NEK5: variants seen among roughly 807,000 people sequenced by gnomAD.
NEK5 encodes the protein NIMA related kinase 5.
NEK5 carries 88 observed loss-of-function variants against 109.2 expected under a neutral mutation model. The observed-to-expected ratio is 0.81, with a 90% CI of 0.68 to 0.96. NEK5 has a LOEUF of 0.96. Ranked by LOEUF, NEK5 falls within the 40% of genes least tolerant of loss-of-function variation. NEK5 has a pLI of 0.00. For missense variants in NEK5, 834 were observed against 920.7 expected, an observed-to-expected ratio of 0.91 and a Z score of 1.22; for synonymous variants, 283 against 299.9, an observed-to-expected ratio of 0.94 and a Z score of 0.58.
intron 17 of NEK5, among the ~76,000 whole-genome samples, chr13:52,079,691 G>T (rs1302445509): frequency 6.6e-6 from 1 of 152,186 alleles, no homozygotes; most frequent in Non-Finnish European, 1.5e-5. Flanking sequence ...CTCCCAAAGT[G>T]CCGAGATTGC....
At chr13:52,080,850 CAA>C in intron 17 of NEK5, among the ~76,000 whole-genome samples, 1 of 147,240 alleles carries the variant, frequency 6.8e-6, no homozygotes, top group African/African-American at 2.5e-5. Flanking sequence ...ATGACCCTGC[CAA>C]ATACCCCTCT....
At chr13:52,040,205 C>T (rs1954401942) in intron 23 of NEK5, among the ~76,000 whole-genome samples, 1 of 151,918 alleles carries the variant, frequency 6.6e-6, no homozygotes, top group Non-Finnish European at 1.5e-5. Flanking sequence ...CCGCCTCTAC[C>T]TCCCAAGTAG....
chr13:52,095,162 C>G (rs900815236), intron 12 of NEK5, among the ~76,000 whole-genome samples: 1 of 152,144 alleles, frequency 6.6e-6, no homozygotes, highest in Non-Finnish European at 1.5e-5. Context: ...TCTCGAACTC[C>G]TGGGCTGAAA....
intron 4 of NEK5, among the ~76,000 whole-genome samples, chr13:52,115,601 CAAAAAAAAAA>C (rs71088014): frequency 2.6e-4 from 13 of 49,226 alleles, no homozygotes; most frequent in East Asian, 1.4e-3. Context: ...GAGACTCCGT[CAAAAAAAAAA>C]AAAAAAAAAA....
At chr13:52,093,489 G>A (rs1955340663) in intron 12 of NEK5, among the ~76,000 whole-genome samples, 1 of 152,098 alleles carries the variant, frequency 6.6e-6, no homozygotes, top group African/African-American at 2.4e-5. Flanking sequence ...GAACCCAGGA[G>A]GTGGAGGTTG....
intron 22 of NEK5, among the ~76,000 whole-genome samples, chr13:52,055,438 A>C (rs1954545823): frequency 6.6e-6 from 1 of 152,214 alleles, no homozygotes; most frequent in Admixed American, 6.5e-5. Flanking sequence ...AGGTTCAGGA[A>C]ATACAGAGAA....
intron 22 of NEK5, among the ~76,000 whole-genome samples, 180 bp downstream of exon 22, chr13:52,061,639 A>G (rs1326626741): frequency 6.6e-6 from 1 of 152,200 alleles, no homozygotes; most frequent in Non-Finnish European, 1.5e-5. Flanking sequence ...TGGAAAGCTC[A>G]TGTCTTTTGT....
intron 3 of NEK5, among the ~76,000 whole-genome samples, chr13:52,121,550 T>C (rs1955970620): frequency 6.6e-6 from 1 of 152,212 alleles, no homozygotes; most frequent in Non-Finnish European, 1.5e-5. Flanking sequence ...CAGTGTTTTA[T>C]TGCTAGTTTT....
At chr13:52,057,141 G>A (rs1174988514) in intron 22 of NEK5, among the ~76,000 whole-genome samples, 23 of 152,174 alleles carry the variant, frequency 1.5e-4, no homozygotes, top group East Asian at 1.2e-3. Context: ...ACAGAAATAC[G>A]AACTACCATC....
chr13:52,083,146 T>G, intron 17 of NEK5, 114 bp downstream of exon 17: 1 of 663,440 alleles, frequency 1.5e-6, no homozygotes. Context: ...CTCCGTCTCA[T>G]AGAAAAAAAA....
At chr13:52,101,518 G>C (rs1381403498) in intron 11 of NEK5, among the ~76,000 whole-genome samples, 1 of 152,154 alleles carries the variant, frequency 6.6e-6, no homozygotes, top group Non-Finnish European at 1.5e-5. Context: ...CCTAACTTCA[G>C]CTCCAATGGT....
chr13:52,063,925 G>C (rs556401772), intron 21 of NEK5, among the ~76,000 whole-genome samples: 2 of 150,906 alleles, frequency 1.3e-5, no homozygotes, highest in African/African-American at 2.4e-5. Flanking sequence ...TGCCAGGCCA[G>C]CCGCCCCGTC....
chr13:52,117,314 C>G (rs755365878), intron 4 of NEK5, among the ~76,000 whole-genome samples: 8 of 152,184 alleles, frequency 5.3e-5, no homozygotes, highest in Admixed American at 1.3e-4. Context: ...CCTACACTCT[C>G]TAAAAGACAG....
chr13:52,075,726 C>T, intron 19 of NEK5, 32 bp downstream of exon 19: 2 of 1,285,398 alleles, frequency 1.6e-6, no homozygotes, highest in Non-Finnish European at 2.2e-6. Context: ...TTTCTGATAC[C>T]TACTAATGGA....
At chr13:52,094,051 T>A (rs1240197043) in intron 12 of NEK5, among the ~76,000 whole-genome samples, 3 of 152,054 alleles carry the variant, frequency 2.0e-5, no homozygotes, top group Non-Finnish European at 4.4e-5. Context: ...GAGAAAATAT[T>A]AAAAAAGGTC....
chr13:52,065,085 C>A (rs1042511207), intron 21 of NEK5: 8 of 243,806 alleles, frequency 3.3e-5, no homozygotes, highest in Admixed American at 2.9e-4. Flanking sequence ...CCTGCCAAAT[C>A]CCCCTCTGCG....
rs763763961 is a variant in NEK5 at position 52,089,259 on chromosome 13, C to T, written c.1263G>A (p.Val421=). Residue 421 remains valine, a synonymous_variant, in exon 14 of 24, where the codon GTG becomes GTA. Transcript: ENST00000684899. ...KFEAQQYKLK[V]EKQLGLRPSS... ...GTATTTTACTTACCAATTGCTTCTC[C>T]ACTTTCAACTTATATTGTTGAGCTT... is the stretch of plus-strand genomic sequence containing the variant. The T allele has an allele frequency of 8.1e-6, 13 of 1,596,494 alleles. No individual in the cohort carries two copies. The Admixed American group carries it at 2.0e-4, about 25-fold the overall frequency.
At chr13:52,049,025 A>G (rs1012925832) in intron 23 of NEK5, among the ~76,000 whole-genome samples, 8 of 152,212 alleles carry the variant, frequency 5.3e-5, no homozygotes, top group Middle Eastern at 3.2e-3. Context: ...CGTAATACAT[A>G]TATTTATTAG....
intron 12 of NEK5, 28 bp from the exon 13 acceptor site, chr13:52,093,263 A>T: frequency 6.4e-7 from 1 of 1,570,120 alleles, no homozygotes; most frequent in Non-Finnish European, 8.8e-7. Flanking sequence ...GGATGTTTTT[A>T]AAAACCATAA....
Sources: gnomAD v4.1 joint callset for allele counts (sites outside exome capture counted in the v4.1 genomes callset) on GRCh38, gnomAD v4.1.1 for gene constraint, MANE v1.5 for transcripts, NCBI Gene and HGNC (gene_info 2026-07-23, HGNC 2026-07-21) for gene names.